The following ZNF831 variants were observed in gnomAD, a reference collection of about 807,000 sequenced individuals.
The protein encoded by ZNF831 is zinc finger protein 831.
Under a neutral mutation model 95.8 loss-of-function variants are expected in ZNF831, and 59 were observed. The ratio of observed to expected loss-of-function variants is 0.62; its 90% CI spans 0.50 to 0.77. The LOEUF is 0.77. Among genes scored for constraint, ZNF831 ranks in the 30% least tolerant of loss-of-function variants. The probability of loss-of-function intolerance (pLI) is 0.00; values close to 1 mark genes in which losing one functional copy is unlikely to be tolerated. For synonymous variants in ZNF831, 961 were observed against 925.5 expected, an observed-to-expected ratio of 1.04 and a Z score of -0.70; for missense variants, 2,205 against 2,164.0, an observed-to-expected ratio of 1.02 and a Z score of -0.38.
chr20:59,193,953 A>G lies in ZNF831; in HGVS notation c.2934A>G (p.Ser978=), dbSNP rs1331378509. ...GTGGGTGGCCTGAAGAACGGGCATC[A>G]TTTGTTGGGTCAGGACTGGGGACCC... The part of the protein sequence containing the change: ...CSSGWPEERA[S]FVGSGLGTPL... The change falls in exon 2 of 6, where the codon TCA becomes TCG. Residue 978 remains serine, a synonymous_variant. Transcript: ENST00000371030. 1.9e-6 allele frequency: 3 copies of G among 1,578,872 alleles called. No homozygotes were observed. The highest frequency in any genetic ancestry group is 2.6e-6 in the Non-Finnish European group (3 of 1,162,598).
chr20:59,188,421 G>A (rs960347524), intron 1 of ZNF831, among the ~76,000 whole-genome samples: 4 of 152,096 alleles, frequency 2.6e-5, no homozygotes, highest in Non-Finnish European at 1.5e-5. Context: ...ATGGGATGAA[G>A]CATCTTTTTA....
chr20:59,170,101 C>T (rs1250597119), intron 1 of ZNF831, among the ~76,000 whole-genome samples: 1 of 151,972 alleles, frequency 6.6e-6, no homozygotes, highest in African/African-American at 2.4e-5. Context: ...TGAAACCCTC[C>T]CTCTTTTTCT....
chr20:59,226,700 G>A (rs2146687238), intron 4 of ZNF831, among the ~76,000 whole-genome samples: 1 of 150,982 alleles, frequency 6.6e-6, no homozygotes, highest in East Asian at 1.9e-4. Flanking sequence ...TAAAATCTTA[G>A]TTTGGGGACA....
chr20:59,148,399 C>T lies in ZNF831; in HGVS notation c.-1281+2025C>T, dbSNP rs552546061. On this transcript the variant is annotated intron_variant, in intron 2 of 7. Transcript: ENST00000637017. ...GTTCTGAAGATGGGTTAGAACAGAG[C>T]GGCCGGGCGCGGTGGCTCACGCCTG... Among the ~76,000 whole-genome samples, 22 of 147,880 alleles carry T rather than the reference C, an allele frequency of 1.5e-4. 3 individuals are homozygous for T. The highest frequency in any genetic ancestry group is 2.7e-4 in the Non-Finnish European group (18 of 66,688).
At chr20:59,139,402 CT>C (rs1159987444) in intron 1 of ZNF831, among the ~76,000 whole-genome samples, 2 of 152,028 alleles carry the variant, frequency 1.3e-5, no homozygotes, top group Non-Finnish European at 2.9e-5. Context: ...TTCTGTTTTT[CT>C]GTTTTTACTC....
At position 59,194,768 on chromosome 20, in the gene ZNF831, G is replaced by T. The variant is rs1216634097; in HGVS notation, c.3738+11G>T. On this transcript the variant is annotated intron_variant, in intron 2 of 5. Coordinates refer to ENST00000371030, the MANE Select transcript of ZNF831 (RefSeq NM_178457.3). ...GCGCAGATGTCCAAGGTAAAGCTGGGCTTTGCCCCAGGGCCCGGGGTTGAG... is the reference window on the plus strand; with the variant it reads ...GCGCAGATGTCCAAGGTAAAGCTGGTCTTTGCCCCAGGGCCCGGGGTTGAG... 2 of 1,539,658 alleles carry T rather than the reference G, an allele frequency of 1.3e-6. No individual in the cohort carries two copies. Among genetic ancestry groups the T allele is most frequent in the Non-Finnish European group, 1.7e-6 (2 of 1,145,770 alleles).
Position 59,192,058 on chromosome 20 carries a change from C to T in ZNF831, c.1039C>T (p.Leu347=), listed in dbSNP as rs763302174. The part of the protein sequence containing the change: ...RKCESTDSGY[L]SRSDSAEQPH... ...GTGTGAGAGCACCGACTCGGGGTAC[C>T]TGTCGCGCTCCGACAGCGCGGAGCA... Residue 347 remains leucine, a synonymous_variant, in exon 2 of 6, where the codon CTG becomes TTG. Transcript: ENST00000371030. This position sits in a 1 kb window ranked among gnomAD's most constrained non-coding sequence, Gnocchi z 5.2. 5.6e-6 allele frequency: 9 copies of T among 1,607,450 alleles called. No homozygotes were observed. In the South Asian group the frequency reaches 6.6e-5, roughly 12 times the overall value.
At chr20:59,129,496 G>A (rs944844209) in intron 1 of ZNF831, among the ~76,000 whole-genome samples, 24 of 152,234 alleles carry the variant, frequency 1.6e-4, no homozygotes, top group Non-Finnish European at 2.8e-4. Flanking sequence ...GGTGGCGGGC[G>A]CCTGTAATCC....
chr20:59,238,384 C>T (rs765390867), intron 4 of ZNF831, among the ~76,000 whole-genome samples: 2 of 152,144 alleles, frequency 1.3e-5, no homozygotes, highest in Non-Finnish European at 2.9e-5. Flanking sequence ...CAGTGCATCT[C>T]GATTTCTCTC....
chr20:59,255,228 T>A lies in ZNF831; in HGVS notation c.*485T>A, dbSNP rs1988122016. On this transcript the variant is annotated 3_prime_UTR_variant, in exon 6 of 6. Transcript: ENST00000371030. Reference sequence around the variant, plus strand: ...GCACACTTGGGATAATTGGAGTAGCTTGACAAAGAGACGGGGGTGTGAACT... The same window carrying A: ...GCACACTTGGGATAATTGGAGTAGCATGACAAAGAGACGGGGGTGTGAACT... 6.4e-6 allele frequency: 1 copy of A among 157,424 alleles called. No individual in the cohort carries two copies. Among genetic ancestry groups the A allele is most frequent in the Non-Finnish European group, 1.4e-5 (1 of 70,874 alleles). 9.8% of individuals were successfully genotyped at this position (157,424 alleles called of 1,614,324 possible). A position where few individuals can be genotyped will look rare whatever the true frequency, so the allele number is the denominator to read the frequency against.
At position 59,254,003 on chromosome 20, in the gene ZNF831, G is replaced by A. The variant is rs1353314898; in HGVS notation, c.4294G>A (p.Asp1432Asn). Residue 1432 changes from aspartate (D) to asparagine (N), a missense_variant, in exon 6 of 6, where the codon GAC becomes AAC. Transcript: ENST00000371030. The surrounding 1 kb of genome is among the most constrained non-coding windows in gnomAD (Gnocchi z 4.5). ...TGACACCTGCCTGGCAGTGGTTAAT[G>A]ACGTGCCTCTACCCCCTGGCAAAGG... The part of the protein sequence containing the change: ...QSDTCLAVVN[D>N]VPLPPGKGLD... 1.2e-6 allele frequency: 2 copies of A among 1,614,036 alleles called. No individual in the cohort carries two copies. Among genetic ancestry groups the A allele is most frequent in the South Asian group, 2.2e-5 (2 of 91,064 alleles).
In ZNF831 at chr20:59,192,660, A is replaced by G. The variant is rs2146569246; in HGVS notation, c.1641A>G (p.Gly547=). 6.5e-7 allele frequency: 1 copy of G among 1,531,346 alleles called. No homozygotes were observed. The highest frequency in any genetic ancestry group is 8.8e-7 in the Non-Finnish European group (1 of 1,140,686). The allele number at this position is 1,531,346 out of a possible 1,614,324, so 94.9% of individuals were successfully genotyped here. The change falls in exon 2 of 6, where the codon GGA becomes GGG. Residue 547 remains glycine (G), a synonymous_variant. Transcript: ENST00000371030. This position sits in a 1 kb window ranked among gnomAD's most constrained non-coding sequence, Gnocchi z 5.2. The part of the protein sequence containing the change: ...PGPARLGCRS[G]LSSTDVPSGH... Reference sequence around the variant, plus strand: ...CAGCCCGCCTGGGCTGCCGCTCGGGACTAAGCTCGACTGACGTTCCCAGTG... The same window carrying G: ...CAGCCCGCCTGGGCTGCCGCTCGGGGCTAAGCTCGACTGACGTTCCCAGTG...
chr20:59,236,948 C>T (rs751951213), intron 4 of ZNF831, among the ~76,000 whole-genome samples: 3 of 152,028 alleles, frequency 2.0e-5, no homozygotes, highest in Non-Finnish European at 4.4e-5. Context: ...AAAATGTTCC[C>T]GAACCTGCAA....
chr20:59,130,501 G>GC (rs1979319091), intron 1 of ZNF831, among the ~76,000 whole-genome samples: 1 of 152,160 alleles, frequency 6.6e-6, no homozygotes, highest in Non-Finnish European at 1.5e-5. Flanking sequence ...AGAAAAAGAA[G>GC]TTTGAGGCGT....
At chr20:59,183,773 TGAG>T (rs1452936325) in intron 1 of ZNF831, among the ~76,000 whole-genome samples, 1 of 152,142 alleles carries the variant, frequency 6.6e-6, no homozygotes, top group Non-Finnish European at 1.5e-5. Flanking sequence ...TGCAGAAAAA[TGAG>T]GAGAAAGTAC....
chr20:59,133,447 T>G (rs1263448701), intron 1 of ZNF831, among the ~76,000 whole-genome samples: 1 of 152,210 alleles, frequency 6.6e-6, no homozygotes, highest in East Asian at 1.9e-4. Context: ...CCAAACTCAA[T>G]TTTTGTGATA....
intron 1 of ZNF831, among the ~76,000 whole-genome samples, chr20:59,167,343 T>C (rs1223090539): frequency 6.6e-6 from 1 of 152,144 alleles, no homozygotes; most frequent in Non-Finnish European, 1.5e-5. Flanking sequence ...ATAAGTCCCT[T>C]GTCAGATATG....
chr20:59,189,191 T>A (rs1010861177), intron 1 of ZNF831, among the ~76,000 whole-genome samples: 5 of 151,046 alleles, frequency 3.3e-5, no homozygotes, highest in Admixed American at 2.6e-4. Flanking sequence ...AAAAAAAAAA[T>A]AAAAAAATAA....
At chr20:59,187,782 T>C (rs545524270) in intron 1 of ZNF831, among the ~76,000 whole-genome samples, 1 of 152,356 alleles carries the variant, frequency 6.6e-6, no homozygotes, top group African/African-American at 2.4e-5. Flanking sequence ...GGAAACGTTG[T>C]ACCCAGTTAA....
Sources: allele counts gnomAD v4.1 joint callset (sites outside exome capture counted in the v4.1 genomes callset), GRCh38; gene constraint gnomAD v4.1.1; non-coding constraint Gnocchi (gnomAD v3.1); transcripts MANE v1.5; gene names NCBI Gene and HGNC (gene_info 2026-07-23, HGNC 2026-07-21).